The following TSPEAR variants were observed in gnomAD, a reference collection of about 807,000 sequenced individuals.
TSPEAR encodes the protein thrombospondin type laminin G domain and EAR repeats.
Under a neutral mutation model 71.6 loss-of-function variants are expected in TSPEAR, and 69 were observed. The ratio of observed to expected loss-of-function variants is 0.96; its 90% CI spans 0.79 to 1.18. The LOEUF is 1.18. Ranked by LOEUF, TSPEAR falls within the 50% of genes most tolerant of loss-of-function variation. The pLI, the probability that TSPEAR is intolerant of heterozygous loss-of-function variation, is 0.00. For synonymous variants in TSPEAR, 402 were observed against 387.2 expected (o/e 1.04, Z -0.45); for missense variants, 971 against 894.9 (o/e 1.09, Z -1.09).
At chr21:44,630,539 TG>T (rs1310738744) in intron 1 of TSPEAR, among the ~76,000 whole-genome samples, 6 of 152,110 alleles carry the variant, frequency 3.9e-5, no homozygotes, top group Non-Finnish European at 7.4e-5. Context: ...ATGCCCATGA[TG>T]GGGCACAGAA....
intron 1 of TSPEAR, among the ~76,000 whole-genome samples, chr21:44,660,818 T>C (rs1555943453): frequency 1.3e-5 from 2 of 151,752 alleles, no homozygotes; most frequent in African/African-American, 4.8e-5. Context: ...AATACAAAAA[T>C]CAGCCAGGCA....
intron 9 of TSPEAR, chr21:44,518,275 C>G (rs2052647867): frequency 6.4e-6 from 3 of 467,402 alleles, no homozygotes; most frequent in Non-Finnish European, 8.8e-6. Context: ...GGATTTTTGT[C>G]AAACATCCGG....
intron 1 of TSPEAR, among the ~76,000 whole-genome samples, chr21:44,667,600 C>A (rs1261402125): frequency 1.3e-5 from 2 of 152,164 alleles, no homozygotes; most frequent in Admixed American, 6.5e-5. Context: ...CCCAGGGAAG[C>A]ATGTGAGGCC....
At position 44,551,450 on chromosome 21, in the gene TSPEAR, G is replaced by T. The variant is rs375834201; in HGVS notation, c.303+16335C>A. 22 of 1,609,978 alleles carry T rather than the reference G, an allele frequency of 1.4e-5. No individual in the cohort carries two copies. In the African/African-American group the frequency reaches 2.3e-4, roughly 17 times the overall value. On this transcript the variant is annotated intron_variant, in intron 2 of 11. Coordinates refer to ENST00000323084, the MANE Select transcript of TSPEAR (RefSeq NM_144991.3). Reference sequence around the variant, plus strand: ...CGCTGGAGCAGATGGACATGGTGGAGGCGGCCATGCTGGAGTGGGGAGGAG... The same window carrying T: ...CGCTGGAGCAGATGGACATGGTGGATGCGGCCATGCTGGAGTGGGGAGGAG...
intron 10 of TSPEAR, among the ~76,000 whole-genome samples, chr21:44,505,839 G>A (rs2052186026): frequency 6.6e-6 from 1 of 152,020 alleles, no homozygotes; most frequent in Non-Finnish European, 1.5e-5. Flanking sequence ...TCCTCCATGT[G>A]GCTACTGTGA....
intron 10 of TSPEAR, chr21:44,508,420 A>T: frequency 1.0e-6 from 1 of 996,294 alleles, no homozygotes; most frequent in Admixed American, 5.1e-5. Flanking sequence ...AAACCTGGGA[A>T]AGCCGCCTGC....
Position 44,627,531 on chromosome 21 carries a change from C to T in TSPEAR, c.83-59526G>A, listed in dbSNP as rs587615920. ...CCGTCTGCTGTGGGGCTTCTTCGTG[C>T]TGCCAACAGTCTAGCTACCAGCCAG... On this transcript the variant is annotated intron_variant, in intron 1 of 11. Transcript: ENST00000323084. The T allele has an allele frequency of 3.9e-6, 6 of 1,536,944 alleles. No individual in the cohort carries two copies. The East Asian group carries it at 1.4e-4, about 36-fold the overall frequency.
In TSPEAR at chr21:44,612,041, A is replaced by C; in HGVS notation, c.83-44036T>G. On this transcript the variant is annotated intron_variant, in intron 1 of 11. Transcript: ENST00000323084. The surrounding 1 kb of genome is among the most constrained non-coding windows in gnomAD (Gnocchi z 4.1). Reference sequence around the variant, plus strand: ...GGGAGGGTATAAAACCTCAGCAGCCAGGGCACACAAACCCACACACCTCAC... The same window carrying C: ...GGGAGGGTATAAAACCTCAGCAGCCCGGGCACACAAACCCACACACCTCAC... 1 of 1,539,922 alleles carries C rather than the reference A, an allele frequency of 6.5e-7. No homozygotes were observed. Among genetic ancestry groups the C allele is most frequent in the Non-Finnish European group, 8.9e-7 (1 of 1,126,012 alleles).
chr21:44,558,885 G>A (rs934620319), intron 2 of TSPEAR: 73 of 854,992 alleles, frequency 8.5e-5, no homozygotes, highest in Non-Finnish European at 1.1e-4. Flanking sequence ...CCTCTTCCTT[G>A]TTGTTGTTGT....
At chr21:44,553,838 C>T (rs78179402) in intron 2 of TSPEAR, among the ~76,000 whole-genome samples, 3,642 of 152,318 alleles carry the variant, frequency 0.024, 132 homozygotes, top group African/African-American at 0.083. Context: ...CCTCAGACCC[C>T]TGTCCCACTA....
At chr21:44,646,124 C>CAAAAAAAAAAAAA in intron 1 of TSPEAR, among the ~76,000 whole-genome samples, 1 of 31,240 alleles carries the variant, frequency 3.2e-5, no homozygotes, top group African/African-American at 1.1e-4. Context: ...GACTCCCTCT[C>CAAAAAAAAAAAAA]AAAAAAAAAA....
At chr21:44,525,543 G>T in intron 8 of TSPEAR, 110 bp downstream of exon 8, 1 of 1,155,792 alleles carries the variant, frequency 8.7e-7, no homozygotes, top group Non-Finnish European at 1.3e-6. Context: ...TTCACCCTGT[G>T]CTGCATGTGG....
At chr21:44,529,662 G>A (rs1368378977) in intron 5 of TSPEAR, 136 bp downstream of exon 5, 21 of 979,364 alleles carry the variant, frequency 2.1e-5, no homozygotes, top group Admixed American at 1.4e-4. Flanking sequence ...CAATATGACC[G>A]CTGCCCCCCG....
intron 1 of TSPEAR, among the ~76,000 whole-genome samples, chr21:44,709,947 A>G (rs1555953267): frequency 6.6e-6 from 1 of 152,178 alleles, no homozygotes; most frequent in African/African-American, 2.4e-5. Context: ...GTCATCTTTT[A>G]ACTATTTGCA....
intron 1 of TSPEAR, among the ~76,000 whole-genome samples, chr21:44,683,578 A>T (rs1354461591): frequency 6.6e-6 from 1 of 152,146 alleles, no homozygotes; most frequent in Non-Finnish European, 1.5e-5. Context: ...TTGAGGCAGG[A>T]GGGTCTATTG....
At chr21:44,551,467 G>C (rs373671103) in intron 2 of TSPEAR, 1 of 1,601,660 alleles carries the variant, frequency 6.2e-7, no homozygotes, top group Non-Finnish European at 8.5e-7. Flanking sequence ...ATGCTGGAGT[G>C]GGGAGGAGGT....
chr21:44,559,385 G>A (rs953781389), intron 2 of TSPEAR, among the ~76,000 whole-genome samples: 7 of 152,220 alleles, frequency 4.6e-5, no homozygotes, highest in Non-Finnish European at 1.0e-4. Flanking sequence ...GAGGGGAGCA[G>A]GGAGGCAGCT....
At chr21:44,515,107 G>A (rs782748276) in intron 9 of TSPEAR, among the ~76,000 whole-genome samples, 4 of 152,098 alleles carry the variant, frequency 2.6e-5, no homozygotes, top group Admixed American at 1.3e-4. Flanking sequence ...GGCTTCACCC[G>A]CTTCAAAGCT....
intron 11 of TSPEAR, among the ~76,000 whole-genome samples, chr21:44,504,294 C>T (rs1421091135): frequency 7.1e-6 from 1 of 140,212 alleles, no homozygotes; most frequent in East Asian, 2.2e-4. Flanking sequence ...TGGGAGGAAG[C>T]CGGCCTCGGT....
Sources: allele counts gnomAD v4.1 joint callset (sites outside exome capture counted in the v4.1 genomes callset), GRCh38; gene constraint gnomAD v4.1.1; non-coding constraint Gnocchi (gnomAD v3.1); transcripts MANE v1.5; gene names NCBI Gene and HGNC (gene_info 2026-07-23, HGNC 2026-07-21).